Variants in CRX observed in about 807,000 individuals in gnomAD.
CRX encodes cone-rod homeobox.
CRX carries 5 observed loss-of-function variants against 13.1 expected under a neutral mutation model. The ratio of observed to expected loss-of-function variants is 0.38; its 90% confidence interval spans 0.20 to 0.80. The LOEUF is 0.80. Among genes scored for constraint, CRX ranks in the 30% least tolerant of loss-of-function variants. The pLI is 0.43. For synonymous variants in CRX, 179 were observed against 171.1 expected (o/e 1.05, Z -0.36); for missense variants, 351 against 391.8 (o/e 0.90, Z 0.88).
chr19:47,836,832 C>T (rs1192543290), intron 3 of CRX, among the ~76,000 whole-genome samples: 2 of 152,210 alleles, frequency 1.3e-5, no homozygotes, highest in Non-Finnish European at 2.9e-5. Flanking sequence ...GTCAATTCCA[C>T]TGACGGACAC....
intron 3 of CRX, 32 bp downstream of exon 3, chr19:47,836,426 C>T: frequency 1.2e-6 from 2 of 1,614,112 alleles, no homozygotes; most frequent in Non-Finnish European, 1.7e-6. Context: ...CCCCTCCCGA[C>T]ACTTCCTGTG....
rs181522676 is a variant in CRX, at chr19:47,832,266, C to T, written c.-35-2143C>T. ...GATTACAGGCACGCGCCACCATGCC[C>T]GGCTAATTTTTGTATTTTCTGCAGA... On this transcript the variant is annotated intron_variant, in intron 1 of 3. Coordinates refer to ENST00000221996, the MANE Select transcript of CRX (RefSeq NM_000554.6). Among the ~76,000 whole-genome samples the T allele has an allele frequency of 2.5e-4, 38 of 149,056 alleles. 1 individual carries two copies. Among genetic ancestry groups the T allele is most frequent in the African/African-American group, 7.1e-4 (28 of 39,408 alleles).
At chr19:47,837,490 T>G (rs1037228538) in intron 3 of CRX, among the ~76,000 whole-genome samples, 4 of 152,196 alleles carry the variant, frequency 2.6e-5, no homozygotes, top group African/African-American at 7.2e-5. Context: ...TATGTATATA[T>G]GAGTGTATGC....
rs563196619 is a variant in CRX, at chr19:47,839,251, C to T, written c.253-69C>T. 1.9e-4 allele frequency: 290 copies of T among 1,534,240 alleles called. No individual in the cohort carries two copies. In the African/African-American group the frequency reaches 2.7e-3, roughly 14 times the overall value. ...TCTCACCAATAAGTGTCCTCATCCC[C>T]GGGCACCCTGCGGCTCTCCTGGGCC... On this transcript the variant is annotated intron_variant, in intron 3 of 3. Coordinates refer to ENST00000221996, the MANE Select transcript of CRX (RefSeq NM_000554.6). This position sits in a 1 kb window ranked among gnomAD's most constrained non-coding sequence, Gnocchi z 4.6.
At chr19:47,830,111 C>T (rs770914013) in intron 1 of CRX, among the ~76,000 whole-genome samples, 1 of 148,906 alleles carries the variant, frequency 6.7e-6, no homozygotes, top group Non-Finnish European at 1.5e-5. Flanking sequence ...ATAACATTCA[C>T]AAACACTTAT....
At chr19:47,827,558 T>G (rs913868012) in intron 1 of CRX, among the ~76,000 whole-genome samples, 46 of 137,988 alleles carry the variant, frequency 3.3e-4, no homozygotes, top group Non-Finnish European at 6.5e-4. Flanking sequence ...TTTTTTTTTT[T>G]GACAGAGTCT....
At chr19:47,838,935 G>A (rs779100059) in intron 3 of CRX, among the ~76,000 whole-genome samples, 9 of 151,910 alleles carry the variant, frequency 5.9e-5, no homozygotes, top group Non-Finnish European at 8.8e-5. Flanking sequence ...GTGTATATAT[G>A]TATAACTGTA....
chr19:47,839,519 G>A lies in CRX; in HGVS notation c.452G>A (p.Gly151Asp). 1 of 1,613,720 alleles carries A rather than the reference G, an allele frequency of 6.2e-7. No individual in the cohort carries two copies. The highest frequency in any genetic ancestry group is 1.1e-5 in the South Asian group (1 of 91,046). ...SYSPPLPGPS[G>D]SPTTAVATVS... ...AGTCCCCCTCTGCCCGGCCCCTCAG[G>A]CTCCCCAACCACGGCAGTGGCCACT... is the stretch of plus-strand genomic sequence containing the variant. The change falls in exon 4 of 4, where the codon GGC (glycine) becomes GAC (aspartate). Residue 151 changes from glycine to aspartate, a missense_variant. Physicochemically the swap from Gly to Asp is moderately conservative, Grantham distance 94. Transcript: ENST00000221996. This position sits in a 1 kb window ranked among gnomAD's most constrained non-coding sequence, Gnocchi z 4.6.
At chr19:47,833,032 T>C (rs1191325496) in intron 1 of CRX, among the ~76,000 whole-genome samples, 1 of 27,712 alleles carries the variant, frequency 3.6e-5, no homozygotes, top group East Asian at 2.8e-4. Flanking sequence ...ACACTCGCTT[T>C]TTTTTTTTTT....
Position 47,836,372 on chromosome 19 carries a change from A to G in CRX, c.230A>G (p.Asn77Ser). The change falls in exon 3 of 4, where the codon AAT becomes AGT. Residue 77 changes from asparagine (N) to serine (S), a missense_variant. Transcript: ENST00000221996. ...CGTGAGGAGGTGGCTCTGAAGATCA[A>G]TCTGCCTGAGTCCAGGGTTCAGGTG... is the stretch of plus-strand genomic sequence containing the variant. The part of the protein sequence containing the change: ...YAREEVALKI[N>S]LPESRVQVWF... The G allele has an allele frequency of 6.2e-7, 1 of 1,614,198 alleles. No homozygotes were observed. The highest frequency in any genetic ancestry group is 8.5e-7 in the Non-Finnish European group (1 of 1,180,026).
chr19:47,837,076 TTAGA>T (rs1414612783), intron 3 of CRX, among the ~76,000 whole-genome samples: 4 of 152,258 alleles, frequency 2.6e-5, no homozygotes, highest in Non-Finnish European at 4.4e-5. Context: ...ATAGGTATGA[TTAGA>T]TAGATGATGA....
At chr19:47,825,407 C>G (rs188268196) in intron 1 of CRX, among the ~76,000 whole-genome samples, 1 of 152,114 alleles carries the variant, frequency 6.6e-6, no homozygotes, top group Non-Finnish European at 1.5e-5. Context: ...ATTACAGGTA[C>G]GTGCCACCAC....
chr19:47,825,476 A>C (rs1967964266), intron 1 of CRX, among the ~76,000 whole-genome samples: 2 of 152,124 alleles, frequency 1.3e-5, no homozygotes, highest in African/African-American at 2.4e-5. Flanking sequence ...TGCCAAACCC[A>C]GGGAAAGATT....
chr19:47,824,657 G>A (rs1967953403), intron 1 of CRX, among the ~76,000 whole-genome samples: 1 of 152,072 alleles, frequency 6.6e-6, no homozygotes, highest in Admixed American at 6.6e-5. Flanking sequence ...GCTGTAGAAT[G>A]GAGTTATCTG....
At chr19:47,829,021 C>A (rs1284829033) in intron 1 of CRX, among the ~76,000 whole-genome samples, 1 of 151,978 alleles carries the variant, frequency 6.6e-6, no homozygotes, top group Admixed American at 6.6e-5. Flanking sequence ...GTGCCAGTAG[C>A]TTGCTTCCTT....
chr19:47,840,218 C>T lies in CRX; in HGVS notation c.*251C>T. 1 of 519,192 alleles carries T rather than the reference C, an allele frequency of 1.9e-6. No individual in the cohort carries two copies. The highest frequency in any genetic ancestry group is 3.4e-5 in the East Asian group (1 of 29,286). The allele number at this position is 519,192 out of a possible 1,614,324, so 32.2% of individuals were successfully genotyped here. ...CTAACACCGTCTGGCACGATTGTGA[C>T]CGCTGAAGTACACCACGAGCTCCAG... On this transcript the variant is annotated 3_prime_UTR_variant, in exon 4 of 4. Transcript: ENST00000221996.
In CRX at chr19:47,839,107, G is replaced by C. The variant is rs8100405; in HGVS notation, c.253-213G>C. ...AGACGGATGGGATGAATGCACATGG[G>C]TATGATGTATGCATGTGTTCATGCA... On this transcript the variant is annotated intron_variant, in intron 3 of 3. Coordinates refer to ENST00000221996, the MANE Select transcript of CRX (RefSeq NM_000554.6). This position sits in a 1 kb window ranked among gnomAD's most constrained non-coding sequence, Gnocchi z 4.6. Among the ~76,000 whole-genome samples, 70,569 of 151,536 alleles carry C rather than the reference G, an allele frequency of 0.47. 17,664 individuals carry two copies. Among genetic ancestry groups the C allele is most frequent in the African/African-American group, 0.62 (25,386 of 41,256 alleles).
chr19:47,834,324 G>A (rs926500428), intron 1 of CRX, 85 bp from the exon 2 acceptor site: 1 of 790,902 alleles, frequency 1.3e-6, no homozygotes, highest in Non-Finnish European at 2.3e-6. Context: ...AGAGGAGAAG[G>A]AGGCAGGATT....
chr19:47,834,164 A>G (rs1410985080), intron 1 of CRX, among the ~76,000 whole-genome samples: 2 of 152,138 alleles, frequency 1.3e-5, no homozygotes, highest in East Asian at 3.9e-4. Context: ...AGTAGGAATA[A>G]GAGCTTGCAC....
Sources: gnomAD v4.1 joint callset for allele counts (sites outside exome capture counted in the v4.1 genomes callset) on GRCh38, gnomAD v4.1.1 for gene constraint, Gnocchi (gnomAD v3.1) non-coding constraint, MANE v1.5 for transcripts, NCBI Gene and HGNC (gene_info 2026-07-23, HGNC 2026-07-21) for gene names.